Variants in CDH13 observed in about 807,000 individuals in gnomAD.
CDH13 encodes the protein cadherin-13.
Under a neutral mutation model 63.8 loss-of-function variants are expected in CDH13, and 24 were observed. The ratio of observed to expected loss-of-function variants is 0.38; its 90% CI spans 0.27 to 0.53. The LOEUF (loss-of-function observed/expected upper bound fraction) is 0.53. Ranked by LOEUF, CDH13 falls within the 20% of genes least tolerant of loss-of-function variation. The pLI, the probability that CDH13 is intolerant of heterozygous loss-of-function variation, is 0.85. For missense variants in CDH13, 1,049 were observed against 903.1 expected (o/e 1.16, Z -2.07); for synonymous variants, 503 against 355.3 (o/e 1.42, Z -4.67).
intron 2 of CDH13, among the ~76,000 whole-genome samples, chr16:82,888,615 A>C (rs1178841822): frequency 6.6e-6 from 1 of 152,220 alleles, no homozygotes; most frequent in African/African-American, 2.4e-5. Flanking sequence ...GCTTGGAGGA[A>C]GATGGCCTTG....
intron 6 of CDH13, among the ~76,000 whole-genome samples, chr16:83,448,803 A>T (rs756456603): frequency 5.3e-5 from 8 of 152,126 alleles, no homozygotes; most frequent in Non-Finnish European, 1.0e-4. Context: ...TTTGGGGAGG[A>T]TAGGGTGGAC....
At chr16:83,416,112 A>T (rs749614360) in intron 6 of CDH13, among the ~76,000 whole-genome samples, 3 of 152,246 alleles carry the variant, frequency 2.0e-5, no homozygotes, top group Non-Finnish European at 4.4e-5. Flanking sequence ...ACACTAACTG[A>T]TCTAAAAAGG....
chr16:83,270,784 A>G (rs1367384093), intron 5 of CDH13, among the ~76,000 whole-genome samples: 1 of 150,750 alleles, frequency 6.6e-6, no homozygotes, highest in African/African-American at 2.4e-5. Flanking sequence ...ACATTTACAG[A>G]TTTGCTTTTT....
rs920747006 is a variant in CDH13, at chr16:82,804,310, C to T, written c.46-54052C>T. Among the ~76,000 whole-genome samples, 29 of 126,660 alleles carry T rather than the reference C, an allele frequency of 2.3e-4. No homozygotes were observed. In the South Asian group the frequency reaches 5.9e-3, roughly 26 times the overall value. 83.1% of individuals were successfully genotyped at this position (126,660 alleles called of 152,430 possible). On this transcript the variant is annotated intron_variant, in intron 1 of 13. Transcript: ENST00000567109. ...ACACACACACACACACACACACACA[C>T]ACGCACACACATACAAATACAAAGA...
At chr16:83,533,363 C>T (rs576885013) in intron 7 of CDH13, among the ~76,000 whole-genome samples, 41 of 152,282 alleles carry the variant, frequency 2.7e-4, no homozygotes, top group African/African-American at 9.6e-4. Context: ...GTCATTTTTA[C>T]AGGGCATTCC....
intron 4 of CDH13, among the ~76,000 whole-genome samples, chr16:83,131,729 C>G (rs1003411303): frequency 6.6e-6 from 1 of 152,094 alleles, no homozygotes; most frequent in Non-Finnish European, 1.5e-5. Flanking sequence ...CATCACAAAC[C>G]CTTTTCATCA....
chr16:83,654,997 A>G (rs1912739233), intron 8 of CDH13: 1 of 152,298 alleles, frequency 6.6e-6, no homozygotes, highest in South Asian at 2.1e-4. Context: ...TGCACAGCCC[A>G]TGACCTTGGA....
intron 4 of CDH13, among the ~76,000 whole-genome samples, chr16:83,199,557 C>G (rs919008227): frequency 2.0e-5 from 3 of 152,220 alleles, no homozygotes; most frequent in African/African-American, 7.2e-5. Context: ...AGCTTTAGCA[C>G]AGTACGTGGC....
At chr16:83,434,442 C>T (rs185605847) in intron 6 of CDH13, among the ~76,000 whole-genome samples, 24 of 152,112 alleles carry the variant, frequency 1.6e-4, no homozygotes, top group Admixed American at 1.4e-3. Context: ...CTATCTCTGG[C>T]GTGGTCCAGC....
rs186654951 is a variant in CDH13 at position 83,123,571 on chromosome 16, A to G, written c.367-1814A>G. 4.2e-3 allele frequency among the ~76,000 whole-genome samples: 633 copies of G among 152,244 alleles called. 6 individuals are homozygous for G. The highest frequency in any genetic ancestry group is 0.014 in the African/African-American group (600 of 41,546). On this transcript the variant is annotated intron_variant, in intron 3 of 13. Transcript: ENST00000567109. ...TGGGATTACAGGCGTGAGCCACTGC[A>G]TCTGGCCCCACATTTTTTTTTATCC...
intron 3 of CDH13, among the ~76,000 whole-genome samples, chr16:83,108,813 C>G (rs1221780730): frequency 1.3e-5 from 2 of 152,164 alleles, no homozygotes; most frequent in African/African-American, 4.8e-5. Context: ...GTACCCATCC[C>G]TAGGAGAGTC....
chr16:82,810,919 A>T (rs766092857), intron 1 of CDH13, among the ~76,000 whole-genome samples: 2 of 152,110 alleles, frequency 1.3e-5, no homozygotes, highest in East Asian at 1.9e-4. Context: ...GGTCTTTGCA[A>T]TTATTAGTTG....
intron 3 of CDH13, among the ~76,000 whole-genome samples, chr16:83,036,071 G>C (rs1439412487): frequency 6.6e-6 from 1 of 151,930 alleles, no homozygotes; most frequent in Admixed American, 6.6e-5. Context: ...TCTTGCTCTG[G>C]ACACTTAGCT....
At chr16:83,713,456 G>A (rs896542737) in intron 10 of CDH13, among the ~76,000 whole-genome samples, 18 of 150,536 alleles carry the variant, frequency 1.2e-4, no homozygotes, top group Non-Finnish European at 1.9e-4. Context: ...TTTGAAGGGG[G>A]AAAACACGAA....
intron 4 of CDH13, among the ~76,000 whole-genome samples, chr16:83,200,965 G>GTGTGTCTGTGTGTC (rs1555511863): frequency 6.9e-6 from 1 of 144,368 alleles, no homozygotes; most frequent in South Asian, 2.2e-4. Context: ...GTGTGTGTGT[G>GTGTGTCTGTGTGTC]TGTGTGTTAT....
chr16:83,719,550 AG>A (rs2150934067), intron 10 of CDH13, among the ~76,000 whole-genome samples: 1 of 152,254 alleles, frequency 6.6e-6, no homozygotes, highest in African/African-American at 2.4e-5. Flanking sequence ...TAGATTAGTA[AG>A]TGTTCGCTTA....
At chr16:82,932,552 T>G (rs1597240589) in intron 2 of CDH13, among the ~76,000 whole-genome samples, 1 of 152,006 alleles carries the variant, frequency 6.6e-6, no homozygotes, top group Non-Finnish European at 1.5e-5. Context: ...GTGGATAGAG[T>G]GGAAACTATG....
At chr16:83,011,824 A>T (rs762374515) in intron 2 of CDH13, among the ~76,000 whole-genome samples, 82 of 152,234 alleles carry the variant, frequency 5.4e-4, no homozygotes, top group Admixed American at 2.0e-4. Context: ...GTTCAGCAGA[A>T]CAAAGGGTCT....
intron 2 of CDH13, chr16:82,925,826 A>G (rs1049419599): frequency 3.3e-5 from 5 of 152,166 alleles, no homozygotes; most frequent in Non-Finnish European, 5.9e-5. Context: ...CAGGTCTCCT[A>G]CCACCGAGGA....
Sources: allele counts gnomAD v4.1 joint callset (sites outside exome capture counted in the v4.1 genomes callset), GRCh38; gene constraint gnomAD v4.1.1; transcripts MANE v1.5; gene names NCBI Gene and HGNC (gene_info 2026-07-23, HGNC 2026-07-21).